CAMK2G: variants seen among roughly 807,000 people sequenced by gnomAD.
The protein encoded by CAMK2G is calcium/calmodulin-dependent protein kinase type II subunit gamma.
CAMK2G carries 23 observed loss-of-function variants against 88.7 expected under a neutral mutation model. The ratio of observed to expected loss-of-function variants is 0.26; its 90% confidence interval spans 0.19 to 0.37. CAMK2G has a LOEUF of 0.37. Ranked by LOEUF, CAMK2G falls within the 10% of genes least tolerant of loss-of-function variation. CAMK2G has a pLI of 1.00. For synonymous variants in CAMK2G, 263 were observed against 294.8 expected, an observed-to-expected ratio of 0.89 and a Z score of 1.11; for missense variants, 476 against 780.8, an observed-to-expected ratio of 0.61 and a Z score of 4.65.
intron 21 of CAMK2G, chr10:73,816,194 C>G (rs1242268534): frequency 1.0e-6 from 1 of 985,420 alleles, no homozygotes; most frequent in African/African-American, 1.7e-5. Flanking sequence ...TTCTTATCCC[C>G]TTATTTTCCA....
intron 2 of CAMK2G, among the ~76,000 whole-genome samples, chr10:73,867,542 G>T (rs1403889418): frequency 1.2e-4 from 19 of 152,296 alleles, no homozygotes. Flanking sequence ...AAGCAGGGGG[G>T]AAGGGAAAGA....
At chr10:73,820,492 A>ATTTTTTTTTT (rs1166533591) in intron 18 of CAMK2G, among the ~76,000 whole-genome samples, 5 of 51,050 alleles carry the variant, frequency 9.8e-5, no homozygotes, top group African/African-American at 3.6e-4. Context: ...ATATATATAT[A>ATTTTTTTTTT]TTTTTTTTTT....
At chr10:73,863,009 A>G (rs2095445935) in intron 2 of CAMK2G, among the ~76,000 whole-genome samples, 1 of 152,234 alleles carries the variant, frequency 6.6e-6, no homozygotes, top group Admixed American at 6.5e-5. Context: ...AAGGGATAAA[A>G]GGGGGATTCA....
chr10:73,832,967 CTTTTT>C (rs755852421), intron 14 of CAMK2G, among the ~76,000 whole-genome samples: 1 of 96,242 alleles, frequency 1.0e-5, no homozygotes, highest in Non-Finnish European at 2.3e-5. Flanking sequence ...TCTTCTCTCT[CTTTTT>C]TTTTTTTTTT....
chr10:73,843,365 C>A (rs988225561), intron 10 of CAMK2G, among the ~76,000 whole-genome samples: 7 of 152,154 alleles, frequency 4.6e-5, no homozygotes, highest in African/African-American at 9.7e-5. Flanking sequence ...TGTGCCCCGC[C>A]TTTTTTGGAT....
At chr10:73,837,324 G>A in intron 14 of CAMK2G, 144 bp downstream of exon 14, 1 of 770,490 alleles carries the variant, frequency 1.3e-6, no homozygotes, top group Non-Finnish European at 2.4e-6. Context: ...AGAACCTTCT[G>A]TTCTGAGCAC....
At position 73,828,192 on chromosome 10, in the gene CAMK2G, C is replaced by G. The variant is rs140955535; in HGVS notation, c.1054-71G>C. The G allele has an allele frequency of 9.6e-6, 12 of 1,250,872 alleles. No homozygotes were observed. In the Admixed American group the frequency reaches 1.9e-4, roughly 20 times the overall value. The allele number at this position is 1,250,872 out of a possible 1,614,324, so 77.5% of individuals were successfully genotyped here. A position where few individuals can be genotyped will look rare whatever the true frequency, so the allele number is the denominator to read the frequency against. ...TAAGAAGAGAAGCACAGAGACGCTG[C>G]AGGTTAGCGCACCAGTGTGGGCTCT... On this transcript the variant is annotated intron_variant, in intron 14 of 22. Transcript: ENST00000423381.
intron 2 of CAMK2G, among the ~76,000 whole-genome samples, chr10:73,871,047 A>G (rs1591467641): frequency 6.6e-6 from 1 of 152,164 alleles, no homozygotes; most frequent in East Asian, 1.9e-4. Flanking sequence ...CCTCTGTCCC[A>G]AAGTCAACCT....
chr10:73,825,617 C>T (rs2090666145), intron 15 of CAMK2G, among the ~76,000 whole-genome samples: 2 of 152,164 alleles, frequency 1.3e-5, no homozygotes. Flanking sequence ...CTGCTTATGC[C>T]AGGTGCCAGG....
intron 18 of CAMK2G, among the ~76,000 whole-genome samples, chr10:73,820,492 A>ATATATATATTTTTT (rs1554995765): frequency 3.9e-5 from 2 of 51,060 alleles, no homozygotes; most frequent in African/African-American, 1.8e-4. Context: ...ATATATATAT[A>ATATATATATTTTTT]TTTTTTTTTT....
intron 2 of CAMK2G, among the ~76,000 whole-genome samples, chr10:73,862,304 C>A (rs1052925591): frequency 2.2e-4 from 32 of 146,282 alleles, no homozygotes; most frequent in Admixed American, 6.1e-4. Context: ...TCCACCCCCC[C>A]CCCCCCCGAT....
At chr10:73,831,932 TTTAA>T (rs1252905478) in intron 14 of CAMK2G, among the ~76,000 whole-genome samples, 1 of 152,084 alleles carries the variant, frequency 6.6e-6, no homozygotes, top group Non-Finnish European at 1.5e-5. Context: ...TTCTTTTTTT[TTTAA>T]TTGAGATGGA....
intron 19 of CAMK2G, 83 bp from the exon 20 acceptor site, chr10:73,817,637 C>G (rs746361469): frequency 8.0e-6 from 7 of 875,936 alleles, no homozygotes; most frequent in Non-Finnish European, 1.4e-5. Flanking sequence ...TCAGGAGTCC[C>G]CTGTGATCGC....
rs763471095 is a variant in CAMK2G, at chr10:73,848,991, G to A, written c.517+22C>T. On this transcript the variant is annotated intron_variant, in intron 7 of 22. Transcript: ENST00000423381. The surrounding 1 kb of genome is among the most constrained non-coding windows in gnomAD (Gnocchi z 4.5). ...GGAGGAAGGGCGGGGGCTGCATTCCGGGAAGACAGGATCACCCTTACCAAA... is the reference window on the plus strand; with the variant it reads ...GGAGGAAGGGCGGGGGCTGCATTCCAGGAAGACAGGATCACCCTTACCAAA... 4.8e-5 allele frequency: 70 copies of A among 1,467,758 alleles called. No individual in the cohort carries two copies. The highest frequency in any genetic ancestry group is 6.7e-5 in the Non-Finnish European group (70 of 1,046,444). 90.9% of individuals were successfully genotyped at this position (1,467,758 alleles called of 1,614,324 possible). A position where few individuals can be genotyped will look rare whatever the true frequency, so the allele number is the denominator to read the frequency against.
chr10:73,857,700 G>C (rs1475382511), intron 3 of CAMK2G, among the ~76,000 whole-genome samples: 3 of 152,182 alleles, frequency 2.0e-5, no homozygotes, highest in East Asian at 3.8e-4. Context: ...TAGAGGACTT[G>C]AGAGCAGGGA....
At chr10:73,827,262 C>T (rs1370414970) in intron 15 of CAMK2G, among the ~76,000 whole-genome samples, 3 of 152,260 alleles carry the variant, frequency 2.0e-5, no homozygotes, top group Non-Finnish European at 4.4e-5. Flanking sequence ...TCTCGGCTCA[C>T]TGCAAGCTCC....
intron 13 of CAMK2G, among the ~76,000 whole-genome samples, chr10:73,838,942 A>G (rs1181022965): frequency 1.3e-5 from 2 of 152,242 alleles, no homozygotes; most frequent in Non-Finnish European, 2.9e-5. Context: ...AGCCTTCGAC[A>G]GGGTGATCTT....
At chr10:73,861,945 T>C (rs1378398072) in intron 2 of CAMK2G, among the ~76,000 whole-genome samples, 2 of 152,226 alleles carry the variant, frequency 1.3e-5, no homozygotes, top group South Asian at 2.1e-4. Flanking sequence ...GCCCATTTTA[T>C]AGAAAGAGAA....
intron 4 of CAMK2G, chr10:73,852,535 T>C (rs2094705874): frequency 3.6e-6 from 2 of 553,660 alleles, no homozygotes; most frequent in Admixed American, 3.2e-5. Context: ...CGGACATTTC[T>C]TTTTCCAAAA....
Sources: gnomAD v4.1 joint callset for allele counts (sites outside exome capture counted in the v4.1 genomes callset) on GRCh38, gnomAD v4.1.1 for gene constraint, Gnocchi (gnomAD v3.1) non-coding constraint, MANE v1.5 for transcripts, NCBI Gene and HGNC (gene_info 2026-07-23, HGNC 2026-07-21) for gene names.